Variants in GSK3B observed in about 807,000 individuals in gnomAD.
GSK3B encodes glycogen synthase kinase 3 beta, also known as glycogen synthase kinase-3 beta.
GSK3B carries 15 observed loss-of-function variants against 56.4 expected under a neutral mutation model. The observed-to-expected ratio is 0.27, with a 90% confidence interval of 0.18 to 0.41. GSK3B has a LOEUF of 0.41. Ranked by LOEUF, GSK3B falls within the 10% of genes least tolerant of loss-of-function variation. The pLI is 1.00. For synonymous variants in GSK3B, 181 were observed against 188.9 expected (o/e 0.96, Z 0.34); for missense variants, 300 against 513.4 (o/e 0.58, Z 4.02).
intron 10 of GSK3B, among the ~76,000 whole-genome samples, chr3:119,827,859 T>C (rs2107994209): frequency 7.9e-6 from 1 of 126,020 alleles, no homozygotes; most frequent in East Asian, 2.3e-4. Context: ...GTGGGGATGG[T>C]TAATGGGTAC....
At chr3:120,090,285 T>C (rs749939764) in intron 1 of GSK3B, among the ~76,000 whole-genome samples, 26 of 152,028 alleles carry the variant, frequency 1.7e-4, no homozygotes, top group Non-Finnish European at 3.4e-4. Context: ...AAGCCCTTAG[T>C]TTACTGCTCC....
chr3:119,835,088 CTG>C (rs2055668859), intron 10 of GSK3B, among the ~76,000 whole-genome samples: 1 of 152,190 alleles, frequency 6.6e-6, no homozygotes, highest in Non-Finnish European at 1.5e-5. Flanking sequence ...GGATGCAACA[CTG>C]TACCTAAAAA....
intron 2 of GSK3B, among the ~76,000 whole-genome samples, chr3:119,972,311 A>T (rs1392518596): frequency 6.6e-6 from 1 of 152,262 alleles, no homozygotes; most frequent in East Asian, 1.9e-4. Context: ...ATAAGAAATC[A>T]AGATGGGCTT....
chr3:120,048,423 T>C (rs1290323096), intron 1 of GSK3B, among the ~76,000 whole-genome samples: 1 of 151,852 alleles, frequency 6.6e-6, no homozygotes, highest in East Asian at 1.9e-4. Context: ...ACTAAGAGCA[T>C]AAACTCTGGA....
intron 7 of GSK3B, among the ~76,000 whole-genome samples, chr3:119,876,728 A>G (rs1465206352): frequency 6.6e-6 from 1 of 152,168 alleles, no homozygotes; most frequent in Non-Finnish European, 1.5e-5. Context: ...GGATGTTTAA[A>G]TGGTAATTAG....
At chr3:119,826,927 T>G in intron 10 of GSK3B, 72 bp from the exon 11 acceptor site, 1 of 921,740 alleles carries the variant, frequency 1.1e-6, no homozygotes, top group Non-Finnish European at 1.8e-6. Flanking sequence ...GTACACTGTT[T>G]CAACTGCAGG....
intron 3 of GSK3B, among the ~76,000 whole-genome samples, chr3:119,939,408 T>C (rs560843421): frequency 4.5e-4 from 68 of 152,272 alleles, no homozygotes; most frequent in Middle Eastern, 3.4e-3. Context: ...ATCAGAAGGA[T>C]TGCCTGCTGC....
At chr3:119,930,089 A>ACACACACACG (rs1214233975) in intron 3 of GSK3B, among the ~76,000 whole-genome samples, 1 of 143,706 alleles carries the variant, frequency 7.0e-6, no homozygotes, top group African/African-American at 2.5e-5. Flanking sequence ...CTACACACAC[A>ACACACACACG]CACACACACA....
At chr3:120,008,606 G>A (rs1451408983) in intron 1 of GSK3B, among the ~76,000 whole-genome samples, 1 of 152,116 alleles carries the variant, frequency 6.6e-6, no homozygotes, top group Non-Finnish European at 1.5e-5. Context: ...CAGGCAATGG[G>A]GAAAAGATTC....
At chr3:119,835,549 T>C in intron 10 of GSK3B, among the ~76,000 whole-genome samples, 1 of 152,206 alleles carries the variant, frequency 6.6e-6, no homozygotes, top group East Asian at 1.9e-4. Flanking sequence ...TCTCTGCCCA[T>C]TCATATATAG....
At chr3:120,081,282 C>T (rs1217192489) in intron 1 of GSK3B, among the ~76,000 whole-genome samples, 1 of 150,772 alleles carries the variant, frequency 6.6e-6, no homozygotes, top group Non-Finnish European at 1.5e-5. Context: ...GGGTCGGGCA[C>T]GGTGGCTCAC....
chr3:119,887,807 A>C (rs2056455903), intron 7 of GSK3B, among the ~76,000 whole-genome samples: 2 of 152,130 alleles, frequency 1.3e-5, no homozygotes, highest in South Asian at 2.1e-4. Flanking sequence ...AAAAACTCAT[A>C]ATCAACTGAT....
intron 1 of GSK3B, among the ~76,000 whole-genome samples, chr3:120,040,050 G>C (rs11719490): frequency 0.062 from 9,417 of 152,298 alleles, 412 homozygotes; most frequent in Middle Eastern, 0.095. Flanking sequence ...AAAGAAACAG[G>C]CCGGCAGCTC....
Position 120,005,713 on chromosome 3 carries a change from G to A in GSK3B, c.89-3474C>T, listed in dbSNP as rs185754167. Reference sequence around the variant, plus strand: ...TGAAGGAGAAATAAAATCCTTTACGGACAAGCAAATGCTGAGAGATTTTGT... The same window carrying A: ...TGAAGGAGAAATAAAATCCTTTACGAACAAGCAAATGCTGAGAGATTTTGT... On this transcript the variant is annotated intron_variant, in intron 1 of 10. Transcript: ENST00000264235. Among the ~76,000 whole-genome samples the A allele has an allele frequency of 9.3e-4, 141 of 152,294 alleles. 1 individual carries two copies. The Middle Eastern group carries it at 0.01, about 11-fold the overall frequency.
At chr3:119,952,190 T>C (rs939325075) in intron 2 of GSK3B, among the ~76,000 whole-genome samples, 12 of 151,850 alleles carry the variant, frequency 7.9e-5, no homozygotes, top group African/African-American at 2.9e-4. Flanking sequence ...TATCAAACCA[T>C]GAAGATCAAT....
chr3:119,936,885 T>G (rs754375779), intron 3 of GSK3B, among the ~76,000 whole-genome samples: 1 of 151,890 alleles, frequency 6.6e-6, no homozygotes, highest in Non-Finnish European at 1.5e-5. Flanking sequence ...AAAAACCAAC[T>G]GGACCCAACA....
chr3:119,989,784 T>C (rs1486109520), intron 2 of GSK3B, among the ~76,000 whole-genome samples: 1 of 152,170 alleles, frequency 6.6e-6, no homozygotes, highest in East Asian at 1.9e-4. Context: ...CTAATGTTCT[T>C]ACCCTGCCCA....
intron 1 of GSK3B, among the ~76,000 whole-genome samples, chr3:120,058,788 T>C (rs1276661794): frequency 2.0e-5 from 3 of 152,060 alleles, no homozygotes; most frequent in Non-Finnish European, 2.9e-5. Flanking sequence ...GGTGGGCAGA[T>C]TACCTGAGCT....
intron 2 of GSK3B, among the ~76,000 whole-genome samples, chr3:119,990,185 G>T (rs1014240447): frequency 6.6e-6 from 1 of 152,016 alleles, no homozygotes; most frequent in Non-Finnish European, 1.5e-5. Context: ...GCTCCAGTTG[G>T]AAAGATGCTA....
Sources: gnomAD v4.1 joint callset for allele counts (sites outside exome capture counted in the v4.1 genomes callset) on GRCh38, gnomAD v4.1.1 for gene constraint, MANE v1.5 for transcripts, NCBI Gene and HGNC (gene_info 2026-07-23, HGNC 2026-07-21) for gene names.